The following DCLK2 variants were observed in gnomAD, a reference collection of about 807,000 sequenced individuals.
DCLK2 encodes the protein doublecortin like kinase 2.
DCLK2 carries 31 observed loss-of-function variants against 78.4 expected under a neutral mutation model. The observed-to-expected ratio is 0.40, with a 90% CI of 0.30 to 0.53. DCLK2 has a LOEUF of 0.53. Ranked by LOEUF, DCLK2 falls within the 20% of genes least tolerant of loss-of-function variation. DCLK2 has a pLI of 0.61. For synonymous variants in DCLK2, 407 were observed against 374.9 expected (o/e 1.09, Z -0.99); for missense variants, 872 against 973.7 (o/e 0.90, Z 1.39).
chr4:150,156,757 A>G (rs1735309278), intron 2 of DCLK2, among the ~76,000 whole-genome samples: 1 of 147,834 alleles, frequency 6.8e-6, no homozygotes, highest in South Asian at 2.1e-4. Context: ...TTATTTATTT[A>G]TTTATTTATT....
intron 2 of DCLK2, among the ~76,000 whole-genome samples, chr4:150,183,191 C>A (rs940123351): frequency 6.6e-6 from 1 of 152,276 alleles, no homozygotes; most frequent in East Asian, 1.9e-4. Flanking sequence ...TCACTGAGAT[C>A]CAGTGATGTT....
intron 2 of DCLK2, among the ~76,000 whole-genome samples, chr4:150,192,207 A>G (rs2169086): frequency 0.88 from 133,373 of 152,004 alleles, 58,897 homozygotes; most frequent in Middle Eastern, 0.96. Flanking sequence ...TGGGCTGGGC[A>G]TGGTGACTCA....
intron 2 of DCLK2, among the ~76,000 whole-genome samples, chr4:150,178,456 G>A (rs1036068353): frequency 6.6e-6 from 1 of 151,968 alleles, no homozygotes; most frequent in African/African-American, 2.4e-5. Flanking sequence ...ACAGCCACAG[G>A]CATGTAGCTT....
chr4:150,241,190 T>A (rs1052242026), intron 12 of DCLK2, among the ~76,000 whole-genome samples: 3 of 152,216 alleles, frequency 2.0e-5, no homozygotes, highest in Non-Finnish European at 4.4e-5. Flanking sequence ...TAATTAAGAA[T>A]AGAATTACAA....
At chr4:150,228,802 G>T (rs1285197280) in intron 8 of DCLK2, among the ~76,000 whole-genome samples, 1 of 152,120 alleles carries the variant, frequency 6.6e-6, no homozygotes, top group Admixed American at 6.5e-5. Flanking sequence ...CGAGGCGGGT[G>T]GATCATGAGG....
chr4:150,235,220 G>T (rs1742400097), intron 10 of DCLK2, among the ~76,000 whole-genome samples: 4 of 152,176 alleles, frequency 2.6e-5, no homozygotes, highest in Admixed American at 2.6e-4. Flanking sequence ...CCAGCTCACA[G>T]ATCTCACTCT....
At chr4:150,187,408 T>G (rs1738035590) in intron 2 of DCLK2, among the ~76,000 whole-genome samples, 1 of 152,224 alleles carries the variant, frequency 6.6e-6, no homozygotes, top group African/African-American at 2.4e-5. Flanking sequence ...TGTACATTTC[T>G]TTCCCTCTGC....
At chr4:150,102,937 T>TTGTGTGTGTGTGTGTA in intron 2 of DCLK2, 125 bp downstream of exon 2, 2 of 848,888 alleles carry the variant, frequency 2.4e-6, no homozygotes, top group Non-Finnish European at 3.4e-6. Flanking sequence ...ATACTTGAGA[T>TTGTGTGTGTGTGTGTA]TGTGTGTGTG....
chr4:150,182,897 G>A (rs1376637378), intron 2 of DCLK2, among the ~76,000 whole-genome samples: 2 of 152,136 alleles, frequency 1.3e-5, no homozygotes, highest in African/African-American at 4.8e-5. Context: ...GATAGAGACA[G>A]CCTTTTAGCT....
intron 2 of DCLK2, among the ~76,000 whole-genome samples, chr4:150,164,009 C>G (rs1039702591): frequency 1.3e-5 from 2 of 152,214 alleles, no homozygotes; most frequent in Non-Finnish European, 2.9e-5. Flanking sequence ...ACTCCTGGCC[C>G]ATCCTCCTGC....
At chr4:150,151,586 C>G (rs1260889808) in intron 2 of DCLK2, among the ~76,000 whole-genome samples, 1 of 152,194 alleles carries the variant, frequency 6.6e-6, no homozygotes, top group Non-Finnish European at 1.5e-5. Context: ...GATATGGTCT[C>G]AAAAGCTCCA....
chr4:150,117,552 C>G (rs1378599991), intron 2 of DCLK2, among the ~76,000 whole-genome samples: 1 of 152,202 alleles, frequency 6.6e-6, no homozygotes, highest in African/African-American at 2.4e-5. Context: ...AGGAGCTTCT[C>G]TCAACCTGTG....
chr4:150,160,734 T>C (rs1735643345), intron 2 of DCLK2, among the ~76,000 whole-genome samples: 1 of 152,188 alleles, frequency 6.6e-6, no homozygotes, highest in South Asian at 2.1e-4. Context: ...TTCATTCCTG[T>C]TGGACTCTGT....
At chr4:150,191,907 A>G (rs1294169575) in intron 2 of DCLK2, among the ~76,000 whole-genome samples, 2 of 152,228 alleles carry the variant, frequency 1.3e-5, no homozygotes, top group African/African-American at 4.8e-5. Context: ...GTGATTCGGA[A>G]AACTTAACGA....
chr4:150,244,963 T>C (rs1301591344), intron 12 of DCLK2, among the ~76,000 whole-genome samples: 2 of 151,010 alleles, frequency 1.3e-5, no homozygotes, highest in Non-Finnish European at 3.0e-5. Flanking sequence ...ATATTTGAGA[T>C]TCCAGAAAAA....
At chr4:150,151,789 G>A (rs1414550154) in intron 2 of DCLK2, among the ~76,000 whole-genome samples, 1 of 152,112 alleles carries the variant, frequency 6.6e-6, no homozygotes, top group East Asian at 1.9e-4. Context: ...GCCAGATGTG[G>A]TGGCAGGCGC....
At chr4:150,079,803 C>T (rs1247293347) in intron 1 of DCLK2, among the ~76,000 whole-genome samples, 12 of 152,204 alleles carry the variant, frequency 7.9e-5, no homozygotes, top group Admixed American at 7.9e-4. Context: ...TACTAATAAG[C>T]TCTGTTGGAC....
At chr4:150,173,958 G>A (rs561253378) in intron 2 of DCLK2, among the ~76,000 whole-genome samples, 85 of 152,258 alleles carry the variant, frequency 5.6e-4, no homozygotes, top group Non-Finnish European at 1.1e-3. Flanking sequence ...TGAAGTCGAA[G>A]GGGTTATGAA....
At position 150,175,078 on chromosome 4, in the gene DCLK2, A is replaced by G. The variant is rs1308317783; in HGVS notation, c.757-18060A>G. Among the ~76,000 whole-genome samples, 2 of 6,828 alleles carry G rather than the reference A, an allele frequency of 2.9e-4. 1 individual carries two copies. Among genetic ancestry groups the G allele is most frequent in the African/African-American group, 5.8e-4 (2 of 3,478 alleles). 4.5% of individuals were successfully genotyped at this position (6,828 alleles called of 152,430 possible). A position where few individuals can be genotyped will look rare whatever the true frequency, so the allele number is the denominator to read the frequency against. ...TATATATATATTTATATATATTTAT[A>G]TATTTATATATATATTTATATATAT... On this transcript the variant is annotated intron_variant, in intron 2 of 15. Transcript: ENST00000296550.
Sources: allele counts gnomAD v4.1 joint callset (sites outside exome capture counted in the v4.1 genomes callset), GRCh38; gene constraint gnomAD v4.1.1; transcripts MANE v1.5; gene names NCBI Gene and HGNC (gene_info 2026-07-23, HGNC 2026-07-21).